Variants in SGSM1 observed in about 807,000 individuals in gnomAD.
SGSM1 encodes small G protein signaling modulator 1, also known as RUN and TBC1 domain containing 2.
Under a neutral mutation model 133.8 loss-of-function variants are expected in SGSM1, and 73 were observed. The ratio of observed to expected loss-of-function variants is 0.55; its 90% CI spans 0.45 to 0.66. SGSM1 has a LOEUF of 0.66. Ranked by LOEUF, SGSM1 falls within the 30% of genes least tolerant of loss-of-function variation. The pLI, the probability that SGSM1 is intolerant of heterozygous loss-of-function variation, is 0.00. For missense variants in SGSM1, 1,213 were observed against 1,448.1 expected, an observed-to-expected ratio of 0.84 and a Z score of 2.64; for synonymous variants, 563 against 573.0, an observed-to-expected ratio of 0.98 and a Z score of 0.25.
intron 16 of SGSM1, 82 bp downstream of exon 16, chr22:24,886,810 G>T (rs148838940): frequency 2.1e-6 from 3 of 1,452,440 alleles, no homozygotes; most frequent in African/African-American, 1.4e-5. Flanking sequence ...CTGGTTCCAC[G>T]CTGGACCAAG....
At chr22:24,817,947 C>A (rs1928206458) in intron 2 of SGSM1, among the ~76,000 whole-genome samples, 1 of 152,026 alleles carries the variant, frequency 6.6e-6, no homozygotes, top group Admixed American at 6.6e-5. Context: ...GAGCACAAAT[C>A]CCGACGGGGT....
At chr22:24,887,107 T>TTGTG (rs60431385) in intron 16 of SGSM1, among the ~76,000 whole-genome samples, 12,993 of 145,226 alleles carry the variant, frequency 0.089, 661 homozygotes, top group South Asian at 0.13. Flanking sequence ...TTGTACTTAT[T>TTGTG]TGTGTGTGTG....
intron 21 of SGSM1, among the ~76,000 whole-genome samples, chr22:24,911,677 A>T (rs1371640264): frequency 6.6e-6 from 1 of 152,182 alleles, no homozygotes; most frequent in East Asian, 1.9e-4. Context: ...CCCATAGCCC[A>T]GTCTTACCAT....
At chr22:24,818,642 C>T (rs1928266604) in intron 2 of SGSM1, among the ~76,000 whole-genome samples, 1 of 151,212 alleles carries the variant, frequency 6.6e-6, no homozygotes, top group African/African-American at 2.4e-5. Context: ...GCTGGGATTA[C>T]AGGTGTGAGC....
intron 5 of SGSM1, among the ~76,000 whole-genome samples, chr22:24,852,899 G>T (rs1271156653): frequency 6.6e-6 from 1 of 152,158 alleles, no homozygotes; most frequent in Non-Finnish European, 1.5e-5. Flanking sequence ...AAAATGTACA[G>T]CCTTGATATT....
At chr22:24,912,783 C>T in intron 22 of SGSM1, 31 bp downstream of exon 22, 1 of 1,531,278 alleles carries the variant, frequency 6.5e-7, no homozygotes, top group Non-Finnish European at 9.0e-7. Flanking sequence ...TTGCTTTGGA[C>T]TTTTTTGGGA....
At chr22:24,883,972 A>G (rs577030789) in intron 14 of SGSM1, 81 bp from the exon 15 acceptor site, 5 of 1,440,412 alleles carry the variant, frequency 3.5e-6, no homozygotes, top group Middle Eastern at 2.5e-4. Context: ...TTGAGGTGGG[A>G]CAGAACTTGG....
chr22:24,868,928 A>G, intron 12 of SGSM1, 73 bp downstream of exon 12: 1 of 1,564,290 alleles, frequency 6.4e-7, no homozygotes, highest in Non-Finnish European at 8.7e-7. Context: ...GGTGTTTGAA[A>G]CTAGAAGATG....
Position 24,835,628 on chromosome 22 carries a change from A to G in SGSM1, c.64-9269A>G, listed in dbSNP as rs1447670004. Among the ~76,000 whole-genome samples, 7 of 152,134 alleles carry G rather than the reference A, an allele frequency of 4.6e-5. No individual in the cohort carries two copies. The East Asian group carries it at 1.4e-3, about 29-fold the overall frequency. On this transcript the variant is annotated intron_variant, in intron 2 of 24. Transcript: ENST00000400358. Reference sequence around the variant, plus strand: ...GTCAGGGAAGGTGACATTTGAAGAAAGAGTTGAGATTGCTGGGAAAAGAGC... The same window carrying G: ...GTCAGGGAAGGTGACATTTGAAGAAGGAGTTGAGATTGCTGGGAAAAGAGC...
At chr22:24,909,003 A>G (rs1274473726) in intron 21 of SGSM1, among the ~76,000 whole-genome samples, 1 of 152,186 alleles carries the variant, frequency 6.6e-6, no homozygotes, top group East Asian at 1.9e-4. Flanking sequence ...GCAGTAGGCT[A>G]GTGAGCATTA....
intron 23 of SGSM1, 32 bp downstream of exon 23, chr22:24,917,786 G>T: frequency 6.3e-7 from 1 of 1,579,230 alleles, no homozygotes; most frequent in Non-Finnish European, 8.7e-7. Flanking sequence ...CCTGTGTCCA[G>T]ACTCTTTGTA....
At chr22:24,838,958 T>C (rs944467785) in intron 2 of SGSM1, among the ~76,000 whole-genome samples, 1 of 151,784 alleles carries the variant, frequency 6.6e-6, no homozygotes. Flanking sequence ...GGGATTTTGA[T>C]AGAAATTTCA....
chr22:24,845,288 G>A (rs1339858839), intron 3 of SGSM1, among the ~76,000 whole-genome samples: 2 of 152,092 alleles, frequency 1.3e-5, no homozygotes, highest in Non-Finnish European at 2.9e-5. Flanking sequence ...TCTGCCTGTG[G>A]CTATTGCTAG....
intron 16 of SGSM1, among the ~76,000 whole-genome samples, chr22:24,893,086 G>T (rs974642136): frequency 2.6e-5 from 4 of 151,268 alleles, no homozygotes; most frequent in East Asian, 1.9e-4. Flanking sequence ...AAGCGGAGGG[G>T]GGGGAGGGAA....
intron 19 of SGSM1, among the ~76,000 whole-genome samples, chr22:24,898,797 G>C (rs974789589): frequency 1.6e-4 from 24 of 152,156 alleles, no homozygotes; most frequent in East Asian, 5.8e-4. Context: ...GGAGGCTGAG[G>C]GGGGTGGATC....
intron 23 of SGSM1, among the ~76,000 whole-genome samples, chr22:24,918,247 G>A (rs551165001): frequency 3.3e-5 from 5 of 152,068 alleles, no homozygotes; most frequent in African/African-American, 9.7e-5. Context: ...GCTCATGCCC[G>A]TAATCCTAGT....
At chr22:24,895,544 C>T (rs1022337848) in intron 18 of SGSM1, among the ~76,000 whole-genome samples, 1 of 152,172 alleles carries the variant, frequency 6.6e-6, no homozygotes, top group Non-Finnish European at 1.5e-5. Flanking sequence ...TCTCTGCCTG[C>T]CCTCTCTTGA....
At chr22:24,849,719 G>C (rs17664186) in intron 4 of SGSM1, among the ~76,000 whole-genome samples, 1 of 152,300 alleles carries the variant, frequency 6.6e-6, no homozygotes, top group Admixed American at 6.5e-5. Flanking sequence ...CAATGCCCTC[G>C]CTGAGACTTA....
Position 24,924,536 on chromosome 22 carries a change from G to A in SGSM1, c.*262G>A. ...GCGTTCCTCCCTTGCAGGAGGTGGAGGTTGTTGGTGGAGGAGGAGCCATCT... is the reference window on the plus strand; with the variant it reads ...GCGTTCCTCCCTTGCAGGAGGTGGAAGTTGTTGGTGGAGGAGGAGCCATCT... On this transcript the variant is annotated 3_prime_UTR_variant, in exon 25 of 25. Coordinates refer to ENST00000400358, the MANE Select transcript of SGSM1 (RefSeq NM_001098497.3). 2.0e-6 allele frequency: 1 copy of A among 491,706 alleles called. No homozygotes were observed. The highest frequency in any genetic ancestry group is 3.5e-5 in the East Asian group (1 of 28,452). The allele number at this position is 491,706 out of a possible 1,614,324, so 30.5% of individuals were successfully genotyped here.
Sources: allele counts gnomAD v4.1 joint callset (sites outside exome capture counted in the v4.1 genomes callset), GRCh38; gene constraint gnomAD v4.1.1; transcripts MANE v1.5; gene names NCBI Gene and HGNC (gene_info 2026-07-23, HGNC 2026-07-21).